Variants in GABRB1 observed in about 807,000 individuals in gnomAD.
GABRB1 encodes gamma-aminobutyric acid type A receptor subunit beta1, also known as gamma-aminobutyric acid receptor subunit beta-1.
A neutral mutation model predicts 51.6 loss-of-function variants in GABRB1; 17 were observed. That is an observed-to-expected ratio of 0.33 (90% CI 0.23 to 0.49). The LOEUF is 0.49. Ranked by LOEUF, GABRB1 falls within the 20% of genes least tolerant of loss-of-function variation. The pLI is 0.99. For missense variants in GABRB1, 410 were observed against 600.6 expected (o/e 0.68, Z 3.32); for synonymous variants, 247 against 218.9 (o/e 1.13, Z -1.14).
chr4:47,270,935 T>C (rs974768232), intron 4 of GABRB1, among the ~76,000 whole-genome samples: 1 of 152,232 alleles, frequency 6.6e-6, no homozygotes, highest in Admixed American at 6.5e-5. Flanking sequence ...ATAGCACTTT[T>C]AGTTTGTGCT....
At position 46,997,435 on chromosome 4, in the gene GABRB1, T is replaced by A. The variant is rs959334881; in HGVS notation, c.-20+3509T>A. 6.8e-4 allele frequency among the ~76,000 whole-genome samples: 102 copies of A among 149,854 alleles called. 1 individual carries two copies. The highest frequency in any genetic ancestry group is 1.6e-4 in the Non-Finnish European group (11 of 67,534). On this transcript the variant is annotated intron_variant, in intron 1 of 3. Transcript: ENST00000513567. The stretch of plus-strand genomic sequence containing the variant: ...ACATAACATATTATTATATAATATA[T>A]AATAATAATAACTTTCTTATACATA...
chr4:47,177,669 G>A (rs1369592887), intron 4 of GABRB1, among the ~76,000 whole-genome samples: 1 of 152,094 alleles, frequency 6.6e-6, no homozygotes, highest in Non-Finnish European at 1.5e-5. Flanking sequence ...AATCAAATGA[G>A]AACCAGTTCC....
rs1251036527 is a variant in GABRB1 at position 47,073,188 on chromosome 4, G to A, written c.240+40704G>A. The stretch of plus-strand genomic sequence containing the variant: ...AAATTGTGGAGGCATAAGGAAGTAA[G>A]CTCATCAATGACGTTGCTGGAAAGA... On this transcript the variant is annotated intron_variant, in intron 3 of 8. Coordinates refer to ENST00000295454, the MANE Select transcript of GABRB1 (RefSeq NM_000812.4). Among the ~76,000 whole-genome samples, 3 of 152,250 alleles carry A rather than the reference G, an allele frequency of 2.0e-5. No homozygotes were observed. The East Asian group carries it at 5.8e-4, about 29-fold the overall frequency.
At chr4:47,048,471 G>C (rs554235957) in intron 3 of GABRB1, among the ~76,000 whole-genome samples, 93 of 152,254 alleles carry the variant, frequency 6.1e-4, no homozygotes, top group African/African-American at 2.2e-3. Flanking sequence ...TGCTGGATAA[G>C]AGCCTTACAC....
chr4:47,420,333 C>T (rs1729054114), intron 8 of GABRB1, among the ~76,000 whole-genome samples: 1 of 152,134 alleles, frequency 6.6e-6, no homozygotes, highest in African/African-American at 2.4e-5. Flanking sequence ...GTACATGTTC[C>T]TCCCTTAGAT....
At chr4:47,123,924 T>C (rs1285703052) in intron 3 of GABRB1, among the ~76,000 whole-genome samples, 5 of 108,716 alleles carry the variant, frequency 4.6e-5, no homozygotes, top group African/African-American at 1.8e-4. Flanking sequence ...ATATATGATA[T>C]ATAATATATT....
chr4:47,315,586 T>C (rs1724854043), intron 4 of GABRB1, among the ~76,000 whole-genome samples: 1 of 151,880 alleles, frequency 6.6e-6, no homozygotes, highest in South Asian at 2.1e-4. Context: ...CACACATATG[T>C]TCATCTTAGT....
chr4:47,087,289 T>G (rs536802254), intron 3 of GABRB1, among the ~76,000 whole-genome samples: 404 of 152,324 alleles, frequency 2.7e-3, no homozygotes, highest in Non-Finnish European at 4.3e-3. Context: ...ATTTTTTTTT[T>G]TGTGAAATGT....
chr4:47,100,865 G>A (rs544151372), intron 3 of GABRB1, among the ~76,000 whole-genome samples: 1 of 151,860 alleles, frequency 6.6e-6, no homozygotes, highest in Non-Finnish European at 1.5e-5. Flanking sequence ...AATAGAGGGG[G>A]TATGCAAATA....
chr4:47,269,773 G>A (rs1307773588), intron 4 of GABRB1, among the ~76,000 whole-genome samples: 1 of 151,994 alleles, frequency 6.6e-6, no homozygotes, highest in African/African-American at 2.4e-5. Context: ...CTCACCACAA[G>A]CATTTCCGTT....
In GABRB1 at chr4:47,406,896, G is replaced by T; in HGVS notation, c.1050G>T (p.Glu350Asp). Residue 350 changes from glutamate to aspartate, a missense_variant, in exon 8 of 9, where the codon GAG (glutamate) becomes GAT (aspartate). Glu to Asp is a conservative substitution (Grantham distance 45). This residue lies in a region of GABRB1 where 181 missense variants were observed against 195.6 expected (regional missense o/e 0.93). Transcript: ENST00000295454. ...GASKQDQSAN[E>D]KNKLEMNKVQ... ...GCAAACAAGACCAGAGTGCCAATGA[G>T]AAGAATAAACTGGAGATGAATAAAG... 4 of 1,614,036 alleles carry T rather than the reference G, an allele frequency of 2.5e-6. No individual in the cohort carries two copies. Among genetic ancestry groups the T allele is most frequent in the Non-Finnish European group, 3.4e-6 (4 of 1,179,972 alleles).
chr4:47,370,181 C>T (rs1446440179), intron 5 of GABRB1, among the ~76,000 whole-genome samples: 1 of 152,124 alleles, frequency 6.6e-6, no homozygotes, highest in African/African-American at 2.4e-5. Context: ...AAAAATCTTT[C>T]TGCATCTTAG....
intron 3 of GABRB1, among the ~76,000 whole-genome samples, chr4:47,141,853 G>C (rs181023917): frequency 1.3e-5 from 2 of 152,030 alleles, no homozygotes; most frequent in East Asian, 3.9e-4. Context: ...GCCCTGTAAA[G>C]ATAGCTCTGG....
chr4:47,349,091 G>T (rs1298138749), intron 5 of GABRB1, among the ~76,000 whole-genome samples: 1 of 152,154 alleles, frequency 6.6e-6, no homozygotes, highest in Non-Finnish European at 1.5e-5. Context: ...TGAAGAAGAG[G>T]TCATAAGTTC....
intron 4 of GABRB1, among the ~76,000 whole-genome samples, chr4:47,198,376 T>C (rs1210691316): frequency 6.6e-6 from 1 of 151,884 alleles, no homozygotes; most frequent in African/African-American, 2.4e-5. Flanking sequence ...GAATAAAGGG[T>C]AGAATAATTT....
At chr4:47,047,165 A>C (rs1200990482) in intron 3 of GABRB1, among the ~76,000 whole-genome samples, 2 of 152,104 alleles carry the variant, frequency 1.3e-5, no homozygotes, top group African/African-American at 4.8e-5. Flanking sequence ...AAAAAAATTA[A>C]ACAAAACAGT....
intron 4 of GABRB1, among the ~76,000 whole-genome samples, chr4:47,280,047 T>A (rs1046342062): frequency 6.6e-6 from 1 of 152,104 alleles, no homozygotes; most frequent in Non-Finnish European, 1.5e-5. Context: ...TGTTTCTGGT[T>A]AATTTGTAGA....
intron 4 of GABRB1, among the ~76,000 whole-genome samples, chr4:47,259,525 C>A (rs557236003): frequency 3.3e-5 from 5 of 152,226 alleles, no homozygotes; most frequent in African/African-American, 1.2e-4. Context: ...GTCTCTCAAT[C>A]ACCTTAGTTT....
At chr4:47,213,371 G>T (rs1720437363) in intron 4 of GABRB1, among the ~76,000 whole-genome samples, 2 of 152,098 alleles carry the variant, frequency 1.3e-5, no homozygotes, top group South Asian at 2.1e-4. Context: ...CAAATCCACA[G>T]AAAAAGTTCA....
Sources: gnomAD v4.1 joint callset for allele counts (sites outside exome capture counted in the v4.1 genomes callset) on GRCh38, gnomAD v4.1.1 for gene constraint, gnomAD v4.1.1 regional missense constraint, MANE v1.5 for transcripts, NCBI Gene and HGNC (gene_info 2026-07-23, HGNC 2026-07-21) for gene names.